TENM3: variants seen among roughly 807,000 people sequenced by gnomAD.
TENM3 encodes the protein teneurin transmembrane protein 3.
In TENM3, 63 loss-of-function variants were observed where a neutral mutation model predicts 255.1. The observed-to-expected ratio is 0.25, with a 90% CI of 0.20 to 0.30. The LOEUF (loss-of-function observed/expected upper bound fraction) is 0.30. Ranked by LOEUF, TENM3 falls within the 10% of genes least tolerant of loss-of-function variation. The pLI, the probability that TENM3 is intolerant of heterozygous loss-of-function variation, is 1.00. For missense variants in TENM3, 2,929 were observed against 3,461.1 expected, an observed-to-expected ratio of 0.85 and a Z score of 3.86; for synonymous variants, 1,306 against 1,322.3, an observed-to-expected ratio of 0.99 and a Z score of 0.27.
At chr4:182,575,145 G>C (rs1002290670) in intron 3 of TENM3, among the ~76,000 whole-genome samples, 2 of 152,106 alleles carry the variant, frequency 1.3e-5, no homozygotes, top group African/African-American at 4.8e-5. Flanking sequence ...AGTAAAACTG[G>C]AGAAATCTGA....
chr4:181,511,754 A>T, the TENM3 span, among the ~76,000 whole-genome samples: 1 of 152,264 alleles, frequency 6.6e-6, no homozygotes, highest in African/African-American at 2.4e-5. Flanking sequence ...CTGCTAGGAG[A>T]AGAGGGTAGT....
chr4:182,771,501 G>T (rs191991914), intron 22 of TENM3, among the ~76,000 whole-genome samples: 2 of 148,746 alleles, frequency 1.3e-5, no homozygotes, highest in African/African-American at 2.4e-5. Flanking sequence ...TCTGAAATGG[G>T]GGGGGGGGAA....
At chr4:181,769,475 G>A in the TENM3 span, among the ~76,000 whole-genome samples, 1 of 152,038 alleles carries the variant, frequency 6.6e-6, no homozygotes, top group Non-Finnish European at 1.5e-5. Flanking sequence ...CTCCTCATTG[G>A]GTTAAATAAT....
the TENM3 span, among the ~76,000 whole-genome samples, chr4:181,497,796 A>G: frequency 6.6e-6 from 1 of 152,194 alleles, no homozygotes; most frequent in South Asian, 2.1e-4. Flanking sequence ...TCTATTAATT[A>G]CAGTTTCACA....
chr4:181,530,252 G>T, the TENM3 span, among the ~76,000 whole-genome samples: 1 of 152,150 alleles, frequency 6.6e-6, no homozygotes, highest in Non-Finnish European at 1.5e-5. Context: ...TAAATAAGAT[G>T]AATGAATAAT....
At chr4:182,267,570 G>A (rs959355143) in intron 1 of TENM3, among the ~76,000 whole-genome samples, 2 of 152,092 alleles carry the variant, frequency 1.3e-5, no homozygotes, top group Non-Finnish European at 2.9e-5. Context: ...AAGTCCAGAA[G>A]CCTCAAGTTA....
At chr4:182,011,201 A>G in the TENM3 span, among the ~76,000 whole-genome samples, 1 of 152,136 alleles carries the variant, frequency 6.6e-6, no homozygotes, top group Non-Finnish European at 1.5e-5. Context: ...ATATTTCTCT[A>G]AAGCCCAAAA....
At chr4:182,587,611 A>G (rs1324681290) in intron 3 of TENM3, among the ~76,000 whole-genome samples, 3 of 151,616 alleles carry the variant, frequency 2.0e-5, no homozygotes, top group Non-Finnish European at 4.4e-5. Context: ...GGATTTTGTC[A>G]TGTTGCCCAG....
At chr4:182,763,941 A>G (rs1402987127) in intron 22 of TENM3, among the ~76,000 whole-genome samples, 1 of 152,232 alleles carries the variant, frequency 6.6e-6, no homozygotes, top group Admixed American at 6.5e-5. Context: ...TTCACCCCTT[A>G]CTAATTTAAT....
At chr4:181,608,168 A>G in the TENM3 span, among the ~76,000 whole-genome samples, 1 of 152,170 alleles carries the variant, frequency 6.6e-6, no homozygotes, top group African/African-American at 2.4e-5. Flanking sequence ...TGTAACCCCA[A>G]TTTCTACTTG....
At chr4:182,482,981 A>G (rs1419675841) in intron 3 of TENM3, among the ~76,000 whole-genome samples, 1 of 152,314 alleles carries the variant, frequency 6.6e-6, no homozygotes, top group South Asian at 2.1e-4. Context: ...ATTGAAATTA[A>G]GAATATTACC....
the TENM3 span, among the ~76,000 whole-genome samples, chr4:182,135,622 G>A: frequency 6.6e-6 from 1 of 152,308 alleles, no homozygotes; most frequent in South Asian, 2.1e-4. Flanking sequence ...TTTCAAATGG[G>A]TGTAACGGTC....
At chr4:182,480,979 A>G (rs931393253) in intron 3 of TENM3, among the ~76,000 whole-genome samples, 1 of 151,962 alleles carries the variant, frequency 6.6e-6, no homozygotes, top group Non-Finnish European at 1.5e-5. Context: ...TTTTCTGTTA[A>G]ATACTAGTCT....
chr4:181,667,309 A>G, the TENM3 span, among the ~76,000 whole-genome samples: 4 of 152,060 alleles, frequency 2.6e-5, no homozygotes, highest in Non-Finnish European at 5.9e-5. Flanking sequence ...CATCACTTCC[A>G]GACTGGTCAT....
At chr4:181,676,796 G>A in the TENM3 span, among the ~76,000 whole-genome samples, 1 of 152,052 alleles carries the variant, frequency 6.6e-6, no homozygotes, top group Non-Finnish European at 1.5e-5. Context: ...CCTGTTTTAT[G>A]TGAGCCCAAA....
At chr4:181,828,133 T>A in the TENM3 span, among the ~76,000 whole-genome samples, 1 of 152,144 alleles carries the variant, frequency 6.6e-6, no homozygotes, top group Non-Finnish European at 1.5e-5. Flanking sequence ...ACTTCCATAG[T>A]ATCCTGATGA....
chr4:182,717,938 C>T lies in TENM3; in HGVS notation c.2368+3705C>T, dbSNP rs142189500. Among the ~76,000 whole-genome samples the T allele has an allele frequency of 2.0e-3, 312 of 152,230 alleles. 4 individuals are homozygous for T. Among genetic ancestry groups the T allele is most frequent in the East Asian group, 4.6e-3 (24 of 5,178 alleles). On this transcript the variant is annotated intron_variant, in intron 13 of 27. Transcript: ENST00000511685. ...GAGCTGCTCACTCCTGAAGGAAGTG[C>T]GATCTGGAGTGGGGGTTAAGACAGT... is the stretch of plus-strand genomic sequence containing the variant.
the TENM3 span, among the ~76,000 whole-genome samples, chr4:181,946,949 G>A: frequency 6.6e-6 from 1 of 152,166 alleles, no homozygotes; most frequent in African/African-American, 2.4e-5. Flanking sequence ...TAAGCACTAT[G>A]GTTACATCAG....
the TENM3 span, among the ~76,000 whole-genome samples, chr4:181,543,519 G>A: frequency 3.1e-4 from 47 of 152,210 alleles, 1 homozygote; most frequent in South Asian, 2.1e-4. Flanking sequence ...TATTTTTTCC[G>A]CGTGATGACC....
Sources: allele counts gnomAD v4.1 joint callset (sites outside exome capture counted in the v4.1 genomes callset), GRCh38; gene constraint gnomAD v4.1.1; transcripts MANE v1.5; gene names NCBI Gene and HGNC (gene_info 2026-07-23, HGNC 2026-07-21).